Variants in CCHCR1 observed in about 807,000 individuals in gnomAD.
The protein encoded by CCHCR1 is HCR (a-helix coiled-coil rod homologue).
CCHCR1 carries 91 observed loss-of-function variants against 114.6 expected under a neutral mutation model. The observed-to-expected ratio is 0.79, with a 90% CI of 0.67 to 0.94. CCHCR1 has a LOEUF of 0.94. CCHCR1 is among the 40% of genes least tolerant of loss of function. The probability of loss-of-function intolerance (pLI) is 0.00; values close to 1 mark genes in which losing one functional copy is unlikely to be tolerated. For synonymous variants in CCHCR1, 379 were observed against 428.5 expected (o/e 0.88, Z 1.43); for missense variants, 899 against 1,079.9 (o/e 0.83, Z 2.35).
chr6:31,155,747 G>A (rs1369343767), intron 3 of CCHCR1, among the ~76,000 whole-genome samples: 2 of 152,118 alleles, frequency 1.3e-5, no homozygotes, highest in African/African-American at 4.8e-5. Flanking sequence ...TGGCTCCTGA[G>A]GCAGCTCTCT....
Position 31,142,856 on chromosome 6 carries a change from G to A in CCHCR1, c.2491+107C>T, listed in dbSNP as rs1773734970. 7 of 1,481,648 alleles carry A rather than the reference G, an allele frequency of 4.7e-6. No homozygotes were observed. The South Asian group carries it at 8.8e-5, about 19-fold the overall frequency. 91.8% of individuals were successfully genotyped at this position (1,481,648 alleles called of 1,614,324 possible). A position where few individuals can be genotyped will look rare whatever the true frequency, so the allele number is the denominator to read the frequency against. ...GCTGGGCATCGCTAAAAGAGGCTAAGGGCCTCGAAGGACCGCAGAGAACAA... is the reference window on the plus strand; with the variant it reads ...GCTGGGCATCGCTAAAAGAGGCTAAAGGCCTCGAAGGACCGCAGAGAACAA... On this transcript the variant is annotated intron_variant, in intron 17 of 17. Transcript: ENST00000396268.
rs1040464610 is a variant in CCHCR1 at position 31,142,876 on chromosome 6, GAAC to G, written c.2491+84_2491+86del. The G allele has an allele frequency of 4.0e-6, 6 of 1,516,170 alleles. No individual in the cohort carries two copies. The African/African-American group carries it at 5.5e-5, about 14-fold the overall frequency. 93.9% of individuals were successfully genotyped at this position (1,516,170 alleles called of 1,614,324 possible). ...GCTAAGGGCCTCGAAGGACCGCAGA[GAAC>G]AACACTCATCATGCGAGAGTCTGAA... On this transcript the variant is annotated intron_variant, in intron 17 of 17. Coordinates refer to ENST00000396268, the MANE Select transcript of CCHCR1 (RefSeq NM_001105564.2).
intron 4 of CCHCR1, among the ~76,000 whole-genome samples, chr6:31,153,858 G>A (rs975142702): frequency 2.0e-5 from 3 of 152,172 alleles, no homozygotes; most frequent in Non-Finnish European, 4.4e-5. Flanking sequence ...GATTACAGGC[G>A]TGAGCCACTG....
In CCHCR1 at chr6:31,144,684, C is replaced by T. The variant is rs754417555; in HGVS notation, c.2167+3G>A. On this transcript the variant is annotated splice_donor_region_variant and intron_variant, in intron 15 of 17. Coordinates refer to ENST00000396268, the MANE Select transcript of CCHCR1 (RefSeq NM_001105564.2). This position sits in a 1 kb window ranked among gnomAD's most constrained non-coding sequence, Gnocchi z 4.6. ...AGGCCCTATCCACCCTGGCAAGGCT[C>T]ACCGGCCTTGGCATGCTCCCTCCGA... The T allele has an allele frequency of 1.3e-5, 21 of 1,596,748 alleles. No individual in the cohort carries two copies. The Admixed American group carries it at 2.9e-4, about 22-fold the overall frequency.
At position 31,151,539 on chromosome 6, in the gene CCHCR1, T is replaced by C. The variant is rs1581946627; in HGVS notation, c.802-417A>G. 1.3e-5 allele frequency among the ~76,000 whole-genome samples: 2 copies of C among 152,116 alleles called. No individual in the cohort carries two copies. The highest frequency in any genetic ancestry group is 4.8e-5 in the African/African-American group (2 of 41,416). On this transcript the variant is annotated intron_variant, in intron 4 of 17. Coordinates refer to ENST00000396268, the MANE Select transcript of CCHCR1 (RefSeq NM_001105564.2). The surrounding 1 kb of genome is among the most constrained non-coding windows in gnomAD (Gnocchi z 4.1). ...TGGAGGCTCTCCCACTGCTCCCCGC[T>C]CCGGCCACGGGGAGTCTGCTGAGAA...
chr6:31,157,669 G>A lies in CCHCR1; in HGVS notation c.-69C>T. On this transcript the variant is annotated 5_prime_UTR_variant, in exon 1 of 18. The change creates a new upstream start codon in the 5' untranslated region. Transcript: ENST00000396268. ...TAGATCCCCAGGCAGAAAAGCCAGC[G>A]TCCTGACATCTTATTCAAATCTTTC... is the stretch of plus-strand genomic sequence containing the variant. 4 of 1,243,360 alleles carry A rather than the reference G, an allele frequency of 3.2e-6. No homozygotes were observed. Among genetic ancestry groups the A allele is most frequent in the Non-Finnish European group, 4.5e-6 (4 of 879,688 alleles). The allele number at this position is 1,243,360 out of a possible 1,614,324, so 77.0% of individuals were successfully genotyped here. A position where few individuals can be genotyped will look rare whatever the true frequency, so the allele number is the denominator to read the frequency against.
rs1383153337 is a variant in CCHCR1 at position 31,143,431 on chromosome 6, C to G, written c.2168-18G>C. On this transcript the variant is annotated intron_variant, in intron 15 of 17. Coordinates refer to ENST00000396268, the MANE Select transcript of CCHCR1 (RefSeq NM_001105564.2). The surrounding 1 kb of genome is among the most constrained non-coding windows in gnomAD (Gnocchi z 5.3). Reference sequence around the variant, plus strand: ...GGAGACCACTACAGAGAGGCCAAGGCACAGAGGAGGCAGGTGTGAGTCAGG... The same window carrying G: ...GGAGACCACTACAGAGAGGCCAAGGGACAGAGGAGGCAGGTGTGAGTCAGG... 6.2e-7 allele frequency: 1 copy of G among 1,611,590 alleles called. No individual in the cohort carries two copies. The highest frequency in any genetic ancestry group is 8.5e-7 in the Non-Finnish European group (1 of 1,179,420).
chr6:31,157,400 T>C lies in CCHCR1; in HGVS notation c.201A>G (p.Arg67=). 6.2e-7 allele frequency: 1 copy of C among 1,612,954 alleles called. No homozygotes were observed. Among genetic ancestry groups the C allele is most frequent in the Non-Finnish European group, 8.5e-7 (1 of 1,179,900 alleles). The part of the protein sequence containing the change: ...SPLARSSRDH[R]NLRRRGNIDG... ...GTGCCTCTACCCTCCTCCTTAAGTT[T>C]CTATGGTCCCTGCTGCTCCTGGCCA... Residue 67 remains arginine (R), a synonymous_variant, in exon 1 of 18, where the codon AGA becomes AGG. Coordinates refer to ENST00000396268, the MANE Select transcript of CCHCR1 (RefSeq NM_001105564.2).
chr6:31,151,230 G>C lies in CCHCR1; in HGVS notation c.802-108C>G, dbSNP rs1372531787. On this transcript the variant is annotated intron_variant, in intron 4 of 17. Coordinates refer to ENST00000396268, the MANE Select transcript of CCHCR1 (RefSeq NM_001105564.2). This position sits in a 1 kb window ranked among gnomAD's most constrained non-coding sequence, Gnocchi z 4.1. ...CCTTAGAGAATGACCCAACCAATCA[G>C]CCAACTGTGCACAGCAAATGGAGAG... 4.2e-6 allele frequency: 5 copies of C among 1,199,304 alleles called. No homozygotes were observed. The Admixed American group carries it at 1.1e-4, about 27-fold the overall frequency. 74.3% of individuals were successfully genotyped at this position (1,199,304 alleles called of 1,614,324 possible).
At position 31,144,695 on chromosome 6, in the gene CCHCR1, G is replaced by C; in HGVS notation, c.2159C>G (p.Ala720Gly). Reference sequence around the variant, plus strand: ...ACCCTGGCAAGGCTCACCGGCCTTGGCATGCTCCCTCCGAGCCTCGTTCAG... The same window carrying C: ...ACCCTGGCAAGGCTCACCGGCCTTGCCATGCTCCCTCCGAGCCTCGTTCAG... ...RRLNEARREH[A>G]KAVVSLRQIQ... The change falls in exon 15 of 18, where the codon GCC (alanine) becomes GGC (glycine). Residue 720 changes from alanine (A) to glycine (G), a missense_variant. Coordinates refer to ENST00000396268, the MANE Select transcript of CCHCR1 (RefSeq NM_001105564.2). This position sits in a 1 kb window ranked among gnomAD's most constrained non-coding sequence, Gnocchi z 4.6. 1 of 1,607,616 alleles carries C rather than the reference G, an allele frequency of 6.2e-7. No individual in the cohort carries two copies. Among genetic ancestry groups the C allele is most frequent in the Non-Finnish European group, 8.5e-7 (1 of 1,175,154 alleles).
rs532438067 is a variant in CCHCR1 at position 31,154,382 on chromosome 6, C to G, written c.801+114G>C. On this transcript the variant is annotated intron_variant, in intron 4 of 17. Transcript: ENST00000396268. This position sits in a 1 kb window ranked among gnomAD's most constrained non-coding sequence, Gnocchi z 4.1. ...TGTTTATTTTCACCAAAGGTCTCAT[C>G]ACTCTACTACTCACTACTCATGGAG... 13 of 762,284 alleles carry G rather than the reference C, an allele frequency of 1.7e-5. No individual in the cohort carries two copies. The South Asian group carries it at 2.3e-4, about 14-fold the overall frequency. 47.2% of individuals were successfully genotyped at this position (762,284 alleles called of 1,614,324 possible).
rs776768001 is a variant in CCHCR1, at chr6:31,143,239, C to T, written c.2319+23G>A. On this transcript the variant is annotated intron_variant, in intron 16 of 17. Transcript: ENST00000396268. The surrounding 1 kb of genome is among the most constrained non-coding windows in gnomAD (Gnocchi z 5.3). ...GCCCAGGATGGGCCCTAGTGTCTGC[C>T]TGTCTGCCCTCCTGTCTCCTACCAG... 2 of 1,612,292 alleles carry T rather than the reference C, an allele frequency of 1.2e-6. No homozygotes were observed. The highest frequency in any genetic ancestry group is 2.2e-5 in the South Asian group (2 of 91,050).
In CCHCR1 at chr6:31,144,930, T is replaced by C; in HGVS notation, c.2020A>G (p.Ser674Gly). The C allele has an allele frequency of 6.2e-7, 1 of 1,612,832 alleles. No homozygotes were observed. Among genetic ancestry groups the C allele is most frequent in the Non-Finnish European group, 8.5e-7 (1 of 1,179,982 alleles). ...GQQESTEEAA[S>G]LRQELTQQQE... ...TGCTGGGTCAGCTCCTGCCGCAGAC[T>C]GGCAGCCTCCTCTGTGCTCTCCTGC... Residue 674 changes from serine to glycine, a missense_variant, in exon 14 of 18, where the codon AGT (serine) becomes GGT (glycine). Physicochemically the swap from Ser to Gly is moderately conservative, Grantham distance 56. Transcript: ENST00000396268. This position sits in a 1 kb window ranked among gnomAD's most constrained non-coding sequence, Gnocchi z 4.6.
rs1374475701 is a variant in CCHCR1, at chr6:31,150,460, TG to T, written c.1206del (p.Arg403GlyfsTer21). ...GTCTGGGGGTTGGGCTGTACCTTCC[TG>T]GTCAGCTCCTCCTCCTGCAGGGCGA... Reference protein sequence around the residue: ...HILALQEEELTRKVQPSDSLE... With the variant: ...HILALQEEELXRKVQPSDSLE... On this transcript the variant is annotated frameshift_variant, in exon 7 of 18. Transcript: ENST00000396268. LOFTEE classifies it high-confidence loss of function. The surrounding 1 kb of genome is among the most constrained non-coding windows in gnomAD (Gnocchi z 5.3). The T allele has an allele frequency of 6.2e-7, 1 of 1,611,422 alleles. No individual in the cohort carries two copies. The highest frequency in any genetic ancestry group is 1.7e-5 in the Admixed American group (1 of 59,932).
In CCHCR1 at chr6:31,145,171, T is replaced by C. The variant is rs748634811; in HGVS notation, c.1871A>G (p.Glu624Gly). ...LIQQEVGRAR[E>G]QGEAERQQLS... ...CCCCTGGCAACCAGGTGTACCTTGCTCCCGAGCCCGGCCCACCTCCTGCTG... is the reference window on the plus strand; with the variant it reads ...CCCCTGGCAACCAGGTGTACCTTGCCCCCGAGCCCGGCCCACCTCCTGCTG... The change falls in exon 13 of 18, where the codon GAG becomes GGG. Residue 624 changes from glutamate to glycine, a missense_variant. Transcript: ENST00000396268. 6.8e-6 allele frequency: 11 copies of C among 1,612,568 alleles called. No homozygotes were observed. The South Asian group carries it at 1.2e-4, about 18-fold the overall frequency.
In CCHCR1 at chr6:31,154,875, G is replaced by A. The variant is rs896904801; in HGVS notation, c.498-76C>T. 8.7e-6 allele frequency: 12 copies of A among 1,383,736 alleles called. No homozygotes were observed. The highest frequency in any genetic ancestry group is 5.7e-5 in the South Asian group (4 of 70,622). 85.7% of individuals were successfully genotyped at this position (1,383,736 alleles called of 1,614,324 possible). On this transcript the variant is annotated intron_variant, in intron 3 of 17. Transcript: ENST00000396268. This position sits in a 1 kb window ranked among gnomAD's most constrained non-coding sequence, Gnocchi z 4.1. ...TAGTTGAGGGCATAAACATAGCCAGGAGAAGGAAAAGAGGACCCCTCTGCT... is the reference window on the plus strand; with the variant it reads ...TAGTTGAGGGCATAAACATAGCCAGAAGAAGGAAAAGAGGACCCCTCTGCT...
rs879023466 is a variant in CCHCR1, at chr6:31,143,478, G to A, written c.2168-65C>T. Reference sequence around the variant, plus strand: ...CAGGCCAGAGGCAGCCAGGCACCATGAAGACAGGAACAAACGCTGGGTCAC... The same window carrying A: ...CAGGCCAGAGGCAGCCAGGCACCATAAAGACAGGAACAAACGCTGGGTCAC... On this transcript the variant is annotated intron_variant, in intron 15 of 17. Coordinates refer to ENST00000396268, the MANE Select transcript of CCHCR1 (RefSeq NM_001105564.2). The surrounding 1 kb of genome is among the most constrained non-coding windows in gnomAD (Gnocchi z 5.3). 3 of 1,569,194 alleles carry A rather than the reference G, an allele frequency of 1.9e-6. No individual in the cohort carries two copies. The highest frequency in any genetic ancestry group is 2.6e-6 in the Non-Finnish European group (3 of 1,153,218).
chr6:31,145,559 TA>T, intron 11 of CCHCR1, 66 bp from the exon 12 acceptor site: 1 of 1,543,812 alleles, frequency 6.5e-7, no homozygotes, highest in Non-Finnish European at 9.0e-7. Context: ...GGACAGGGAG[TA>T]AGGGAAAAAG....
At chr6:31,155,995 A>G (rs1775948553) in intron 3 of CCHCR1, among the ~76,000 whole-genome samples, 1 of 152,210 alleles carries the variant, frequency 6.6e-6, no homozygotes, top group African/African-American at 2.4e-5. Flanking sequence ...CACGCTGGTC[A>G]TGAACTCCTG....
Sources: gnomAD v4.1 joint callset for allele counts (sites outside exome capture counted in the v4.1 genomes callset) on GRCh38, gnomAD v4.1.1 for gene constraint, Gnocchi (gnomAD v3.1) non-coding constraint, MANE v1.5 for transcripts, NCBI Gene and HGNC (gene_info 2026-07-23, HGNC 2026-07-21) for gene names.